Variants in AGGF1 observed in about 807,000 individuals in gnomAD.
AGGF1 encodes the protein angiogenic factor with G-patch and FHA domains 1, also known as angiogenic factor with G patch and FHA domains 1.
Under a neutral mutation model 86.5 loss-of-function variants are expected in AGGF1, and 56 were observed. The ratio of observed to expected loss-of-function variants is 0.65; its 90% CI spans 0.52 to 0.81. The LOEUF (loss-of-function observed/expected upper bound fraction) is 0.81, where lower values mean the gene tolerates loss of function less well. Ranked by LOEUF, AGGF1 falls within the 30% of genes least tolerant of loss-of-function variation. The pLI is 0.00. For synonymous variants in AGGF1, 313 were observed against 297.1 expected (o/e 1.05, Z -0.55); for missense variants, 816 against 850.9 (o/e 0.96, Z 0.51).
intron 1 of AGGF1, among the ~76,000 whole-genome samples, chr5:77,032,408 A>G (rs1746883055): frequency 6.6e-6 from 1 of 151,794 alleles, no homozygotes; most frequent in Non-Finnish European, 1.5e-5. Context: ...TCTAGTAAAA[A>G]TACAAAAAAA....
At position 77,063,535 on chromosome 5, in the gene AGGF1, A is replaced by G. The variant is rs1747606208; in HGVS notation, c.*283A>G. The G allele has an allele frequency of 2.6e-6, 1 of 389,424 alleles. No homozygotes were observed. The highest frequency in any genetic ancestry group is 4.7e-6 in the Non-Finnish European group (1 of 212,498). 24.1% of individuals were successfully genotyped at this position (389,424 alleles called of 1,614,324 possible). ...TGTCATTTACAACATCCATATAAGCAACTAGCCATATAAGCAAAATTCATA... is the reference window on the plus strand; with the variant it reads ...TGTCATTTACAACATCCATATAAGCGACTAGCCATATAAGCAAAATTCATA... On this transcript the variant is annotated 3_prime_UTR_variant, in exon 14 of 14. Transcript: ENST00000312916.
In AGGF1 at chr5:77,034,465, TAAA is replaced by T. The variant is rs749352687; in HGVS notation, c.261_263del (p.Lys88del). 3.7e-6 allele frequency: 6 copies of T among 1,613,628 alleles called. No individual in the cohort carries two copies. Among genetic ancestry groups the T allele is most frequent in the South Asian group, 2.2e-5 (2 of 91,078 alleles). On this transcript the variant is annotated inframe_deletion, in exon 2 of 14. Coordinates refer to ENST00000312916, the MANE Select transcript of AGGF1 (RefSeq NM_018046.5). ...TCCAACGTGGGAGAAATGAAGATAA[TAAA>T]AAGTCTGATGTAGAAGTACAAACAG...
intron 12 of AGGF1, 59 bp downstream of exon 12, chr5:77,059,802 T>C (rs1431736854): frequency 5.0e-6 from 8 of 1,601,088 alleles, no homozygotes; most frequent in Non-Finnish European, 6.0e-6. Context: ...ATTCATAGGG[T>C]GGTCTGATGT....
At chr5:77,052,487 A>G (rs1284820101) in intron 8 of AGGF1, among the ~76,000 whole-genome samples, 2 of 152,174 alleles carry the variant, frequency 1.3e-5, no homozygotes, top group Non-Finnish European at 2.9e-5. Context: ...CATATTCTAA[A>G]TTTTTCATGG....
chr5:77,061,480 G>A (rs1747563319), intron 12 of AGGF1, among the ~76,000 whole-genome samples: 1 of 152,162 alleles, frequency 6.6e-6, no homozygotes, highest in African/African-American at 2.4e-5. Context: ...GTTGCTATTA[G>A]ATTTGCTGGA....
rs1265465953 is a variant in AGGF1 at position 77,042,586 on chromosome 5, A to AC, written c.870+2876dup. On this transcript the variant is annotated intron_variant, in intron 5 of 13. Coordinates refer to ENST00000312916, the MANE Select transcript of AGGF1 (RefSeq NM_018046.5). ...GGCGGCTGGCCGGGCGGGGGGGCTGACCCCCCCCCACCTCCCTCCCGGACG... is the reference window on the plus strand; with the variant it reads ...GGCGGCTGGCCGGGCGGGGGGGCTGACCCCCCCCCCACCTCCCTCCCGGACG... Among the ~76,000 whole-genome samples, 203 of 22,374 alleles carry AC rather than the reference A, an allele frequency of 9.1e-3. 48 individuals carry two copies. Among genetic ancestry groups the AC allele is most frequent in the African/African-American group, 0.029 (175 of 6,112 alleles). 14.7% of individuals were successfully genotyped at this position (22,374 alleles called of 152,430 possible).
chr5:77,063,028 C>T (rs1469911937), intron 13 of AGGF1, 24 bp from the exon 14 acceptor site: 2 of 1,613,028 alleles, frequency 1.2e-6, no homozygotes, highest in Non-Finnish European at 1.7e-6. Flanking sequence ...TAAAATAAGT[C>T]CTCTGCTCAA....
intron 4 of AGGF1, among the ~76,000 whole-genome samples, chr5:77,037,030 G>A (rs752826742): frequency 6.6e-6 from 1 of 152,144 alleles, no homozygotes; most frequent in Non-Finnish European, 1.5e-5. Context: ...TAAACCCTAA[G>A]CCGAAGTAAG....
At chr5:77,036,792 C>T in intron 4 of AGGF1, 72 bp downstream of exon 4, 1 of 1,531,108 alleles carries the variant, frequency 6.5e-7, no homozygotes, top group Non-Finnish European at 9.0e-7. Context: ...GGCTGGAGTG[C>T]AGTGGAGTGA....
At chr5:77,041,586 A>AG (rs1491470718) in intron 5 of AGGF1, among the ~76,000 whole-genome samples, 3,056 of 147,854 alleles carry the variant, frequency 0.021, 60 homozygotes, top group African/African-American at 0.046. Flanking sequence ...AAAAAAAAAA[A>AG]GAAGAAGGCT....
intron 11 of AGGF1, among the ~76,000 whole-genome samples, chr5:77,058,665 CT>C (rs1184788754): frequency 6.6e-6 from 1 of 152,148 alleles, no homozygotes; most frequent in Non-Finnish European, 1.5e-5. Context: ...TAATTAAAAG[CT>C]TCTGTCGTAC....
chr5:77,062,962 T>A (rs73764644), intron 13 of AGGF1, 90 bp from the exon 14 acceptor site: 157,801 of 1,384,728 alleles, frequency 0.11, 9,941 homozygotes, highest in East Asian at 0.28. Context: ...CTTTAATAAA[T>A]CAAAAAATTG....
chr5:77,051,495 A>G (rs1369411038), intron 8 of AGGF1, among the ~76,000 whole-genome samples: 1 of 152,146 alleles, frequency 6.6e-6, no homozygotes, highest in African/African-American at 2.4e-5. Context: ...CACAATGATA[A>G]GGCAATTTCA....
chr5:77,042,209 T>A (rs1257032535), intron 5 of AGGF1, among the ~76,000 whole-genome samples: 7 of 151,810 alleles, frequency 4.6e-5, no homozygotes, highest in South Asian at 2.1e-4. Flanking sequence ...CATGTCTACT[T>A]CTTTCTACAC....
intron 13 of AGGF1, among the ~76,000 whole-genome samples, chr5:77,062,432 A>G (rs1343246646): frequency 6.6e-6 from 1 of 152,168 alleles, no homozygotes; most frequent in Non-Finnish European, 1.5e-5. Flanking sequence ...AGTCAGACCT[A>G]GGTTAGAATA....
chr5:77,032,252 T>A (rs376227106), intron 1 of AGGF1, among the ~76,000 whole-genome samples: 35 of 107,848 alleles, frequency 3.2e-4, no homozygotes, highest in Non-Finnish European at 3.2e-4. Context: ...ACAAATATGG[T>A]AAAAAAAAAA....
intron 5 of AGGF1, among the ~76,000 whole-genome samples, chr5:77,042,506 T>C (rs1747119129): frequency 1.7e-5 from 1 of 59,826 alleles, no homozygotes; most frequent in African/African-American, 5.2e-5. Flanking sequence ...CCCCCCCACC[T>C]CCCTCCCGGA....
intron 2 of AGGF1, 67 bp from the exon 3 acceptor site, chr5:77,035,474 G>C: frequency 8.3e-7 from 1 of 1,209,422 alleles, no homozygotes; most frequent in East Asian, 2.5e-5. Flanking sequence ...CCAGTGTTTT[G>C]TAGTTAAGTC....
chr5:77,054,093 A>T lies in AGGF1; in HGVS notation c.1596A>T (p.Arg532Ser). 1 of 1,614,174 alleles carries T rather than the reference A, an allele frequency of 6.2e-7. No homozygotes were observed. The highest frequency in any genetic ancestry group is 8.5e-7 in the Non-Finnish European group (1 of 1,180,012). Residue 532 changes from arginine to serine, a missense_variant, in exon 10 of 14, where the codon AGA (arginine) becomes AGT (serine). Physicochemically the swap from Arg to Ser is moderately radical, Grantham distance 110. This residue lies in a region of AGGF1 where 565 missense variants were observed against 585.8 expected (regional missense o/e 0.96). Transcript: ENST00000312916. The stretch of plus-strand genomic sequence containing the variant: ...ATGGCTGTGAACCAGGGCAGGTTAG[A>T]GCCCACCTTCGCCTTGATAAGAAAG... ...TCDGCEPGQV[R>S]AHLRLDKKDE...
Sources: gnomAD v4.1 joint callset for allele counts (sites outside exome capture counted in the v4.1 genomes callset) on GRCh38, gnomAD v4.1.1 for gene constraint, gnomAD v4.1.1 regional missense constraint, MANE v1.5 for transcripts, NCBI Gene and HGNC (gene_info 2026-07-23, HGNC 2026-07-21) for gene names.